KMT2C: variants seen among roughly 807,000 people sequenced by gnomAD.
KMT2C encodes the protein histone-lysine N-methyltransferase 2C.
In KMT2C, 88 loss-of-function variants were observed where a neutral mutation model predicts 507.9. The ratio of observed to expected loss-of-function variants is 0.17; its 90% CI spans 0.15 to 0.21. The LOEUF is 0.21. Among genes scored for constraint, KMT2C ranks in the 10% least tolerant of loss-of-function variants. The probability of loss-of-function intolerance (pLI) is 1.00; values close to 1 mark genes in which losing one functional copy is unlikely to be tolerated. For synonymous variants in KMT2C, 2,049 were observed against 2,080.8 expected (o/e 0.98, Z 0.42); for missense variants, 4,954 against 5,957.8 (o/e 0.83, Z 5.55).
rs754572146 is a variant in KMT2C, at chr7:152,311,930, G to T, written c.607C>A (p.Gln203Lys). 1 of 1,579,012 alleles carries T rather than the reference G, an allele frequency of 6.3e-7. No individual in the cohort carries two copies. The highest frequency in any genetic ancestry group is 2.2e-5 in the East Asian group (1 of 44,458). Residue 203 changes from glutamine to lysine, a missense_variant, in exon 5 of 59, where the codon CAG becomes AAG. By Grantham distance (53) the Gln-to-Lys change is moderately conservative (BLOSUM62 1). Coordinates refer to ENST00000262189, the MANE Select transcript of KMT2C (RefSeq NM_170606.3). ...RGQRKERSPQ[Q>K]NIVSCVSVST... Reference sequence around the variant, plus strand: ...ACACTTACACAAGATACTATATTCTGCTGAGGAGATCGTTCTCTGAAAATA... The same window carrying T: ...ACACTTACACAAGATACTATATTCTTCTGAGGAGATCGTTCTCTGAAAATA...
intron 1 of KMT2C, chr7:152,367,391 G>C (rs1257935566): frequency 2.9e-6 from 2 of 692,632 alleles, no homozygotes; most frequent in African/African-American, 1.8e-5. Flanking sequence ...GCTGGCACCA[G>C]CATACAAAGT....
intron 1 of KMT2C, among the ~76,000 whole-genome samples, chr7:152,387,693 G>C (rs1281216732): frequency 1.3e-5 from 2 of 152,122 alleles, no homozygotes; most frequent in African/African-American, 4.8e-5. Flanking sequence ...GGATGGTCTC[G>C]ATCTCCTGAC....
intron 6 of KMT2C, among the ~76,000 whole-genome samples, chr7:152,278,268 CTT>C (rs899113010): frequency 1.3e-5 from 2 of 148,532 alleles, no homozygotes; most frequent in African/African-American, 4.9e-5. Flanking sequence ...TGATTTCAAA[CTT>C]TTTTTTTTTA....
chr7:152,164,385 G>A (rs2092629116), intron 42 of KMT2C, among the ~76,000 whole-genome samples: 1 of 151,472 alleles, frequency 6.6e-6, no homozygotes, highest in Non-Finnish European at 1.5e-5. Flanking sequence ...CGCCTCCCGG[G>A]TTCACGCCAT....
intron 11 of KMT2C, 46 bp downstream of exon 11, chr7:152,251,893 C>T (rs760229931): frequency 6.8e-7 from 1 of 1,468,688 alleles, no homozygotes; most frequent in South Asian, 1.4e-5. Context: ...AATGGCACAA[C>T]ATTACAAAAA....
chr7:152,413,572 G>C (rs2097703091), intron 1 of KMT2C, among the ~76,000 whole-genome samples: 1 of 151,918 alleles, frequency 6.6e-6, no homozygotes, highest in Admixed American at 6.6e-5. Flanking sequence ...TCCATCTCAG[G>C]ATTTTTGTTC....
chr7:152,346,923 A>AGAGACCATCCTGGCTAACAC (rs1491183205), intron 2 of KMT2C, among the ~76,000 whole-genome samples: 6 of 144,802 alleles, frequency 4.1e-5, no homozygotes, highest in African/African-American at 1.7e-4. Context: ...TCAGGAGATA[A>AGAGACCATCCTGGCTAACAC]GAGACCATCC....
At chr7:152,174,791 C>A (rs1355733725) in intron 38 of KMT2C, among the ~76,000 whole-genome samples, 1 of 152,074 alleles carries the variant, frequency 6.6e-6, no homozygotes, top group East Asian at 1.9e-4. Flanking sequence ...TAGACACGTG[C>A]CCTTTGATTG....
chr7:152,304,891 A>G lies in KMT2C; in HGVS notation c.849+5075T>C, dbSNP rs112803179. Among the ~76,000 whole-genome samples the G allele has an allele frequency of 9.5e-3, 1,452 of 152,258 alleles. 27 individuals are homozygous for G. The highest frequency in any genetic ancestry group is 0.034 in the African/African-American group (1,397 of 41,546). On this transcript the variant is annotated intron_variant, in intron 6 of 58. Coordinates refer to ENST00000262189, the MANE Select transcript of KMT2C (RefSeq NM_170606.3). ...CAAAATAAAAACGTCTTCTAAGTTC[A>G]ATAGCTATATCGCCCCTAGGGAAAC...
intron 9 of KMT2C, among the ~76,000 whole-genome samples, chr7:152,259,119 GA>G (rs370518062): frequency 6.6e-6 from 1 of 151,416 alleles, no homozygotes; most frequent in Non-Finnish European, 1.5e-5. Flanking sequence ...TTGAAAAAAA[GA>G]AAAAAACAAG....
intron 1 of KMT2C, among the ~76,000 whole-genome samples, chr7:152,390,990 C>CA (rs1335347177): frequency 6.6e-6 from 1 of 151,386 alleles, no homozygotes; most frequent in Non-Finnish European, 1.5e-5. Flanking sequence ...ACTAAAACTA[C>CA]AAAAATTAGC....
In KMT2C at chr7:152,220,729, G is replaced by T. The variant is rs2094738185; in HGVS notation, c.3506C>A (p.Pro1169His). 1.2e-6 allele frequency: 2 copies of T among 1,604,236 alleles called. No individual in the cohort carries two copies. The highest frequency in any genetic ancestry group is 2.7e-5 in the African/African-American group (2 of 74,756). Residue 1169 changes from proline to histidine, a missense_variant, in exon 23 of 59, where the codon CCC becomes CAC. Around this residue, in one of 29 missense-constraint regions of KMT2C, gnomAD observed 176 missense variants for 262.0 expected, o/e 0.67. Coordinates refer to ENST00000262189, the MANE Select transcript of KMT2C (RefSeq NM_170606.3). The stretch of plus-strand genomic sequence containing the variant: ...CACACCATCCTGGGTATAAGTCTTG[G>T]GTGGGTCTAAAATTACAAAATCCCA... ...IVTKVKELDP[P>H]KTYTQDGVCL...
At chr7:152,264,372 G>A (rs982962073) in intron 8 of KMT2C, among the ~76,000 whole-genome samples, 3 of 152,148 alleles carry the variant, frequency 2.0e-5, no homozygotes, top group Non-Finnish European at 4.4e-5. Context: ...AATCATGGGG[G>A]TGCAAGCGGA....
intron 1 of KMT2C, among the ~76,000 whole-genome samples, chr7:152,408,114 C>T (rs1433074688): frequency 6.6e-6 from 1 of 151,844 alleles, no homozygotes. Flanking sequence ...ATGGCGAAAC[C>T]CCGTTTCTAC....
At chr7:152,397,226 C>T (rs974909044) in intron 1 of KMT2C, among the ~76,000 whole-genome samples, 8 of 151,166 alleles carry the variant, frequency 5.3e-5, no homozygotes, top group Non-Finnish European at 1.5e-5. Flanking sequence ...GATGGAGTCT[C>T]ACTCTGTTGC....
intron 52 of KMT2C, among the ~76,000 whole-genome samples, chr7:152,146,975 A>C (rs1211351507): frequency 1.3e-5 from 2 of 152,176 alleles, no homozygotes; most frequent in African/African-American, 4.8e-5. Context: ...AAGTGAAAAA[A>C]CTTAATGTAA....
At chr7:152,399,316 T>C in intron 1 of KMT2C, among the ~76,000 whole-genome samples, 1 of 152,082 alleles carries the variant, frequency 6.6e-6, no homozygotes, top group Non-Finnish European at 1.5e-5. Flanking sequence ...AACATATACA[T>C]TTATCTCTCT....
intron 6 of KMT2C, among the ~76,000 whole-genome samples, chr7:152,300,886 C>T (rs184363406): frequency 0.012 from 1,830 of 152,076 alleles, 41 homozygotes; most frequent in African/African-American, 0.042. Flanking sequence ...GGCGAAACCC[C>T]GTCTCTACTA....
chr7:152,406,445 C>CA (rs10544115), intron 1 of KMT2C, among the ~76,000 whole-genome samples: 5 of 150,960 alleles, frequency 3.3e-5, no homozygotes, highest in African/African-American at 1.2e-4. Context: ...GAACCTGTCT[C>CA]AAAAAAAAAA....
Sources: allele counts gnomAD v4.1 joint callset (sites outside exome capture counted in the v4.1 genomes callset), GRCh38; gene constraint gnomAD v4.1.1; regional missense constraint gnomAD v4.1.1; transcripts MANE v1.5; gene names NCBI Gene and HGNC (gene_info 2026-07-23, HGNC 2026-07-21).